SLC39A11: variants seen among roughly 807,000 people sequenced by gnomAD.
SLC39A11 encodes zinc transporter ZIP11.
Under a neutral mutation model 36.1 loss-of-function variants are expected in SLC39A11, and 33 were observed. The observed-to-expected ratio is 0.91, with a 90% CI of 0.69 to 1.22. The LOEUF (loss-of-function observed/expected upper bound fraction) is 1.22. Ranked by LOEUF, SLC39A11 falls within the 50% of genes most tolerant of loss-of-function variation. The pLI, the probability that SLC39A11 is intolerant of heterozygous loss-of-function variation, is 0.00. For missense variants in SLC39A11, 432 were observed against 430.3 expected (o/e 1.00, Z -0.03); for synonymous variants, 166 against 170.3 (o/e 0.97, Z 0.20).
At chr17:72,732,243 G>A (rs974970310) in intron 7 of SLC39A11, among the ~76,000 whole-genome samples, 5 of 151,366 alleles carry the variant, frequency 3.3e-5, no homozygotes, top group African/African-American at 4.9e-5. Flanking sequence ...TTGAATTCCC[G>A]ACCTCGAGGG....
chr17:72,949,553 T>C (rs1317768078), intron 4 of SLC39A11, among the ~76,000 whole-genome samples: 1 of 151,900 alleles, frequency 6.6e-6, no homozygotes, highest in Admixed American at 6.6e-5. Flanking sequence ...AGAGCCTGCT[T>C]CTTGGTTCAC....
intron 6 of SLC39A11, among the ~76,000 whole-genome samples, chr17:72,784,904 G>A (rs1233393366): frequency 6.7e-6 from 1 of 149,566 alleles, no homozygotes; most frequent in Non-Finnish European, 1.5e-5. Context: ...CTGTCGCCCA[G>A]GCTGGAGTGC....
chr17:72,680,739 T>C (rs2071477401), intron 7 of SLC39A11, among the ~76,000 whole-genome samples: 2 of 152,262 alleles, frequency 1.3e-5, no homozygotes, highest in Admixed American at 1.3e-4. Flanking sequence ...TTTTTCCACT[T>C]AGCAAAATGT....
chr17:72,798,666 T>C (rs1245195537), intron 6 of SLC39A11, among the ~76,000 whole-genome samples: 1 of 151,938 alleles, frequency 6.6e-6, no homozygotes, highest in Non-Finnish European at 1.5e-5. Context: ...ATTACAGGCA[T>C]GAACCACCAC....
At position 72,674,853 on chromosome 17, in the gene SLC39A11, T is replaced by C. The variant is rs142087982; in HGVS notation, c.672-25585A>G. Among the ~76,000 whole-genome samples the C allele has an allele frequency of 7.0e-4, 107 of 152,286 alleles. No homozygotes were observed. The Middle Eastern group carries it at 0.014, about 19-fold the overall frequency. ...ATTTTTAAAACGTGTTTTGGTGAAT[T>C]ATCTGGTCACATCTTTCCCCCAATT... On this transcript the variant is annotated intron_variant, in intron 7 of 9. Coordinates refer to ENST00000255559, the MANE Select transcript of SLC39A11 (RefSeq NM_139177.4).
chr17:72,904,315 G>A (rs1033424442), intron 5 of SLC39A11, among the ~76,000 whole-genome samples: 2 of 152,164 alleles, frequency 1.3e-5, no homozygotes, highest in African/African-American at 4.8e-5. Context: ...TGGAAGCCTG[G>A]GGACGATTTT....
chr17:73,087,475 G>A (rs1013070038), intron 2 of SLC39A11, among the ~76,000 whole-genome samples: 9 of 152,192 alleles, frequency 5.9e-5, no homozygotes, highest in African/African-American at 1.7e-4. Context: ...GGCTACCGAG[G>A]TGATCGATGC....
chr17:72,838,582 A>G (rs1247712547), intron 6 of SLC39A11, among the ~76,000 whole-genome samples: 3 of 152,182 alleles, frequency 2.0e-5, no homozygotes. Flanking sequence ...ATCATATCAC[A>G]TTCTTTTAAA....
rs528744232 is a variant in SLC39A11, at chr17:72,807,808, G to A, written c.601+41826C>T. On this transcript the variant is annotated intron_variant, in intron 6 of 9. Transcript: ENST00000255559. ...CAAGTAGATGGTTTTCTTGAGTTCT[G>A]TGAGCCATTCTAGGAAATAACTGAA... Among the ~76,000 whole-genome samples, 16 of 152,278 alleles carry A rather than the reference G, an allele frequency of 1.1e-4. No individual in the cohort carries two copies. In the East Asian group the frequency reaches 1.7e-3, roughly 17 times the overall value.
intron 7 of SLC39A11, among the ~76,000 whole-genome samples, chr17:72,685,225 C>T (rs2071687811): frequency 7.9e-6 from 1 of 125,912 alleles, no homozygotes; most frequent in African/African-American, 3.4e-5. Flanking sequence ...CCACGCTGGA[C>T]ACTCTGCTCC....
At chr17:72,670,620 G>A (rs1207959109) in intron 7 of SLC39A11, among the ~76,000 whole-genome samples, 11 of 152,008 alleles carry the variant, frequency 7.2e-5, no homozygotes, top group African/African-American at 1.7e-4. Context: ...GTCTTTATTC[G>A]ATGGATCATA....
At chr17:72,865,611 G>A (rs938579550) in intron 5 of SLC39A11, among the ~76,000 whole-genome samples, 3 of 151,670 alleles carry the variant, frequency 2.0e-5, no homozygotes, top group Admixed American at 6.6e-5. Context: ...GATCCAGGAC[G>A]CTGAAGACCC....
intron 5 of SLC39A11, among the ~76,000 whole-genome samples, chr17:72,861,688 T>TATATATATATATATAA (rs1169877556): frequency 3.4e-5 from 3 of 88,782 alleles, no homozygotes; most frequent in Admixed American, 1.2e-4. Flanking sequence ...TATATATATA[T>TATATATATATATATAA]AAAATATATA....
At chr17:72,810,655 A>G (rs2077405590) in intron 6 of SLC39A11, among the ~76,000 whole-genome samples, 1 of 152,126 alleles carries the variant, frequency 6.6e-6, no homozygotes, top group Non-Finnish European at 1.5e-5. Context: ...TCATGATCTC[A>G]ATAGTGGTTA....
chr17:72,832,679 A>T (rs2078336550), intron 6 of SLC39A11, among the ~76,000 whole-genome samples: 1 of 152,240 alleles, frequency 6.6e-6, no homozygotes, highest in Admixed American at 6.5e-5. Flanking sequence ...ACCTTGGTTA[A>T]TGGTTATTTG....
chr17:72,791,991 A>G (rs2076721483), intron 6 of SLC39A11, among the ~76,000 whole-genome samples: 1 of 152,184 alleles, frequency 6.6e-6, no homozygotes, highest in African/African-American at 2.4e-5. Flanking sequence ...CACATGTAGT[A>G]TGATAACTTC....
intron 4 of SLC39A11, among the ~76,000 whole-genome samples, chr17:72,986,335 C>A (rs1194860544): frequency 6.6e-6 from 1 of 152,176 alleles, no homozygotes; most frequent in Non-Finnish European, 1.5e-5. Flanking sequence ...GGCTGGGGAG[C>A]TGGACAAACT....
chr17:72,801,285 A>G (rs574978539), intron 6 of SLC39A11, among the ~76,000 whole-genome samples: 177 of 152,306 alleles, frequency 1.2e-3, no homozygotes, highest in African/African-American at 3.9e-3. Context: ...CAGGGCCACA[A>G]TCTTGGCTCA....
chr17:72,699,243 T>C lies in SLC39A11; in HGVS notation c.671+37407A>G, dbSNP rs150695174. Among the ~76,000 whole-genome samples the C allele has an allele frequency of 3.3e-4, 51 of 152,324 alleles. 1 individual carries two copies. The East Asian group carries it at 9.3e-3, about 28-fold the overall frequency. On this transcript the variant is annotated intron_variant, in intron 7 of 9. Transcript: ENST00000255559. ...GAATTGTCTTGGGCCACACATAAAA[T>C]ACACTAACACTAAGGCAGCTGATGA...
Sources: gnomAD v4.1 joint callset for allele counts (sites outside exome capture counted in the v4.1 genomes callset) on GRCh38, gnomAD v4.1.1 for gene constraint, MANE v1.5 for transcripts, NCBI Gene and HGNC (gene_info 2026-07-23, HGNC 2026-07-21) for gene names.